The following PHLPP2 variants were observed in gnomAD, a reference collection of about 807,000 sequenced individuals.
The protein encoded by PHLPP2 is PH domain and leucine rich repeat protein phosphatase 2, also known as PH domain leucine-rich repeat-containing protein phosphatase 2.
In PHLPP2, 66 loss-of-function variants were observed where a neutral mutation model predicts 124.9. That is an observed-to-expected ratio of 0.53 (90% CI 0.43 to 0.65). The LOEUF (loss-of-function observed/expected upper bound fraction) is 0.65. Among genes scored for constraint, PHLPP2 ranks in the 30% least tolerant of loss-of-function variants. PHLPP2 has a pLI of 0.00. For synonymous variants in PHLPP2, 681 were observed against 624.7 expected, an observed-to-expected ratio of 1.09 and a Z score of -1.34; for missense variants, 1,685 against 1,600.4, an observed-to-expected ratio of 1.05 and a Z score of -0.90.
At position 71,655,496 on chromosome 16, in the gene PHLPP2, G is replaced by A. The variant is rs536024411; in HGVS notation, c.2391-62C>T. On this transcript the variant is annotated intron_variant, in intron 16 of 18. Transcript: ENST00000568954. Reference sequence around the variant, plus strand: ...TACTGGTAAAATATTATTCTCCAGGGAGCATTCTTTTTTTTTTTTTTTTTG... The same window carrying A: ...TACTGGTAAAATATTATTCTCCAGGAAGCATTCTTTTTTTTTTTTTTTTTG... 7.3e-5 allele frequency: 91 copies of A among 1,255,048 alleles called. 1 individual carries two copies. In the South Asian group the frequency reaches 1.1e-3, roughly 15 times the overall value. The allele number at this position is 1,255,048 out of a possible 1,614,324, so 77.7% of individuals were successfully genotyped here. A position where few individuals can be genotyped will look rare whatever the true frequency, so the allele number is the denominator to read the frequency against.
intron 2 of PHLPP2, among the ~76,000 whole-genome samples, 184 bp downstream of exon 2, chr16:71,714,328 T>C (rs192738342): frequency 6.6e-6 from 1 of 152,354 alleles, no homozygotes; most frequent in Non-Finnish European, 1.5e-5. Context: ...CAAATTTTCC[T>C]TGGTCAATAG....
intron 11 of PHLPP2, among the ~76,000 whole-genome samples, chr16:71,668,359 T>C (rs933382563): frequency 2.3e-5 from 3 of 130,468 alleles, no homozygotes; most frequent in Non-Finnish European, 4.6e-5. Context: ...GAGCTTGCAG[T>C]GAGCCGAGAT....
intron 18 of PHLPP2, among the ~76,000 whole-genome samples, chr16:71,651,939 G>C (rs1328400889): frequency 6.6e-6 from 1 of 152,162 alleles, no homozygotes; most frequent in East Asian, 1.9e-4. Flanking sequence ...ACTTCTAGAA[G>C]ATAACACAGA....
chr16:71,665,553 G>C (rs913241114), intron 12 of PHLPP2, among the ~76,000 whole-genome samples: 4 of 152,140 alleles, frequency 2.6e-5, no homozygotes, highest in Non-Finnish European at 5.9e-5. Context: ...CATAATCCCT[G>C]ATTCACTTTT....
At chr16:71,667,114 T>A in intron 12 of PHLPP2, 64 bp downstream of exon 12, 2 of 1,337,592 alleles carry the variant, frequency 1.5e-6, no homozygotes, top group East Asian at 2.3e-5. Flanking sequence ...ACTCCAATGA[T>A]AAGTCACTGC....
intron 2 of PHLPP2, among the ~76,000 whole-genome samples, chr16:71,712,636 G>A (rs922123200): frequency 1.3e-5 from 2 of 152,114 alleles, no homozygotes; most frequent in Non-Finnish European, 2.9e-5. Flanking sequence ...TGATCCTTTC[G>A]TTTTACAAAT....
Position 71,658,757 on chromosome 16 carries a change from T to A in PHLPP2, c.2044A>T (p.Thr682Ser). Reference protein sequence around the residue: ...ELNLSGNKLKTIPTTIANCKR... With the variant: ...ELNLSGNKLKSIPTTIANCKR... Reference sequence around the variant, plus strand: ...CAGTTTGCTATGGTTGTGGGAATGGTTTTAAGCTTGTTGCCACTTAGGTTC... The same window carrying A: ...CAGTTTGCTATGGTTGTGGGAATGGATTTAAGCTTGTTGCCACTTAGGTTC... Residue 682 changes from threonine (T) to serine (S), a missense_variant, in exon 14 of 19, where the codon ACC becomes TCC. Thr to Ser is a moderately conservative substitution (Grantham distance 58). Coordinates refer to ENST00000568954, the MANE Select transcript of PHLPP2 (RefSeq NM_015020.3). 6.2e-7 allele frequency: 1 copy of A among 1,614,020 alleles called. No homozygotes were observed. Among genetic ancestry groups the A allele is most frequent in the Non-Finnish European group, 8.5e-7 (1 of 1,179,984 alleles).
In PHLPP2 at chr16:71,707,581, T is replaced by C. The variant is rs148336039; in HGVS notation, c.285-4850A>G. On this transcript the variant is annotated intron_variant, in intron 2 of 18. Coordinates refer to ENST00000568954, the MANE Select transcript of PHLPP2 (RefSeq NM_015020.3). ...GATTCAACCAATTATGCCTTCATAATGATTCCCCAATAAAAACATTGTACT... is the reference window on the plus strand; with the variant it reads ...GATTCAACCAATTATGCCTTCATAACGATTCCCCAATAAAAACATTGTACT... Among the ~76,000 whole-genome samples the C allele has an allele frequency of 6.0e-3, 914 of 152,288 alleles. 7 individuals are homozygous for C. The highest frequency in any genetic ancestry group is 0.021 in the African/African-American group (872 of 41,572).
At chr16:71,663,798 G>A in intron 13 of PHLPP2, 101 bp downstream of exon 13, 1 of 875,520 alleles carries the variant, frequency 1.1e-6, no homozygotes, top group East Asian at 2.6e-5. Context: ...GTAAGTCAGT[G>A]AACGTAAACA....
intron 9 of PHLPP2, among the ~76,000 whole-genome samples, chr16:71,673,925 CA>C (rs1358571766): frequency 6.6e-6 from 1 of 152,168 alleles, no homozygotes; most frequent in East Asian, 1.9e-4. Flanking sequence ...GCTTCTATAA[CA>C]TAATAAAAGG....
chr16:71,707,402 C>T (rs915411162), intron 2 of PHLPP2, among the ~76,000 whole-genome samples: 1 of 152,018 alleles, frequency 6.6e-6, no homozygotes, highest in Admixed American at 6.6e-5. Context: ...GGATCACCCC[C>T]CAGTTTATGC....
chr16:71,650,026 C>T lies in PHLPP2; in HGVS notation c.2836G>A (p.Val946Ile), dbSNP rs1387343838. The T allele has an allele frequency of 1.2e-6, 2 of 1,607,356 alleles. No homozygotes were observed. The highest frequency in any genetic ancestry group is 1.1e-5 in the South Asian group (1 of 91,048). The part of the protein sequence containing the change: ...IITEDNKVNG[V>I]TCCTRMLGCT... ...CCCAGCATCCGGGTACAGCAGGTTACCCCATTCACTTTGTTGTCCTACAGA... is the reference window on the plus strand; with the variant it reads ...CCCAGCATCCGGGTACAGCAGGTTATCCCATTCACTTTGTTGTCCTACAGA... The change falls in exon 19 of 19, where the codon GTA becomes ATA. Residue 946 changes from valine (V) to isoleucine (I), a missense_variant. Physicochemically the swap from Val to Ile is conservative, Grantham distance 29 (BLOSUM62 3). Transcript: ENST00000568954.
chr16:71,722,181 C>G (rs1466628232), intron 1 of PHLPP2, among the ~76,000 whole-genome samples: 1 of 152,060 alleles, frequency 6.6e-6, no homozygotes, highest in Non-Finnish European at 1.5e-5. Flanking sequence ...CTTGTAATTC[C>G]AACACTTCGG....
At chr16:71,655,859 C>T (rs1299284373) in intron 16 of PHLPP2, among the ~76,000 whole-genome samples, 3 of 152,060 alleles carry the variant, frequency 2.0e-5, no homozygotes, top group Admixed American at 6.6e-5. Context: ...GTAATCTACA[C>T]GTAAGAAAAG....
chr16:71,692,121 G>A (rs913601316), intron 3 of PHLPP2, among the ~76,000 whole-genome samples: 1 of 151,844 alleles, frequency 6.6e-6, no homozygotes, highest in East Asian at 1.9e-4. Context: ...CCAGGTTGGA[G>A]TGCAGTGGCG....
At chr16:71,689,656 C>T (rs1297773689) in intron 4 of PHLPP2, among the ~76,000 whole-genome samples, 2 of 151,872 alleles carry the variant, frequency 1.3e-5, no homozygotes, top group Non-Finnish European at 2.9e-5. Context: ...CCTAGGCCTC[C>T]CAAAGTGCTA....
At chr16:71,695,713 A>G (rs763940544) in intron 3 of PHLPP2, among the ~76,000 whole-genome samples, 90 of 65,718 alleles carry the variant, frequency 1.4e-3, no homozygotes, top group Non-Finnish European at 2.5e-3. Context: ...TCTGTCTCAG[A>G]AAAAAAAAAA....
rs557509132 is a variant in PHLPP2, at chr16:71,692,680, T to C, written c.419-1971A>G. Among the ~76,000 whole-genome samples the C allele has an allele frequency of 7.9e-5, 12 of 152,278 alleles. No homozygotes were observed. The South Asian group carries it at 2.3e-3, about 29-fold the overall frequency. Reference sequence around the variant, plus strand: ...AGGATACCAAAATCCACAGATGCTATAGTCTCTTATATAAAATGAAATGGT... The same window carrying C: ...AGGATACCAAAATCCACAGATGCTACAGTCTCTTATATAAAATGAAATGGT... On this transcript the variant is annotated intron_variant, in intron 3 of 18. Transcript: ENST00000568954.
intron 13 of PHLPP2, among the ~76,000 whole-genome samples, chr16:71,662,227 C>T (rs892954547): frequency 3.3e-5 from 5 of 151,686 alleles, no homozygotes; most frequent in Admixed American, 6.6e-5. Flanking sequence ...GCCAGGAGTT[C>T]GAGACTAGTC....
Sources: allele counts gnomAD v4.1 joint callset (sites outside exome capture counted in the v4.1 genomes callset), GRCh38; gene constraint gnomAD v4.1.1; transcripts MANE v1.5; gene names NCBI Gene and HGNC (gene_info 2026-07-23, HGNC 2026-07-21).